Variants in FOXJ3 observed in about 807,000 individuals in gnomAD.
FOXJ3 encodes forkhead box J3.
FOXJ3 carries 22 observed loss-of-function variants against 76.1 expected under a neutral mutation model. The observed-to-expected ratio is 0.29, with a 90% confidence interval of 0.21 to 0.41. FOXJ3 has a LOEUF of 0.41. Among genes scored for constraint, FOXJ3 ranks in the 10% least tolerant of loss-of-function variants. FOXJ3 has a pLI of 1.00. For missense variants in FOXJ3, 613 were observed against 762.1 expected (o/e 0.80, Z 2.30); for synonymous variants, 269 against 261.2 (o/e 1.03, Z -0.29).
At chr1:42,271,299 C>A (rs937311745) in intron 3 of FOXJ3, among the ~76,000 whole-genome samples, 5 of 151,450 alleles carry the variant, frequency 3.3e-5, no homozygotes, top group African/African-American at 1.2e-4. Context: ...CTTTTTTCAT[C>A]CCTTTTCATT....
intron 6 of FOXJ3, among the ~76,000 whole-genome samples, chr1:42,204,843 A>C (rs927584874): frequency 6.6e-5 from 10 of 152,028 alleles, no homozygotes; most frequent in African/African-American, 9.7e-5. Flanking sequence ...TGAATATGTC[A>C]CTCTGATTAT....
At chr1:42,272,030 A>G (rs1651902598) in intron 3 of FOXJ3, among the ~76,000 whole-genome samples, 1 of 152,250 alleles carries the variant, frequency 6.6e-6, no homozygotes, top group East Asian at 1.9e-4. Context: ...GGTATTTTTA[A>G]TATGTAATCT....
In FOXJ3 at chr1:42,221,971, AAGGGGG is replaced by A. The variant is rs1231009588; in HGVS notation, c.528+5906_528+5911del. On this transcript the variant is annotated intron_variant, in intron 5 of 12. Transcript: ENST00000361346. ...CTATTAAAAAAAAAAAAAAAAGAAG[AAGGGGG>A]AGGGGGAGGGGGAGGGGGAGGGGGA... Among the ~76,000 whole-genome samples, 4 of 23,042 alleles carry A rather than the reference AAGGGGG, an allele frequency of 1.7e-4. 1 individual carries two copies. The highest frequency in any genetic ancestry group is 1.8e-4 in the Non-Finnish European group (2 of 10,860). The allele number at this position is 23,042 out of a possible 152,430, so 15.1% of individuals were successfully genotyped here.
At chr1:42,231,143 G>A (rs1005702253) in intron 4 of FOXJ3, among the ~76,000 whole-genome samples, 18 of 131,646 alleles carry the variant, frequency 1.4e-4, no homozygotes, top group Admixed American at 5.1e-4. Context: ...TGAAACCCCC[G>A]TCTCTACTTA....
At position 42,247,321 on chromosome 1, in the gene FOXJ3, A is replaced by T. The variant is rs532664289; in HGVS notation, c.444+17794T>A. On this transcript the variant is annotated intron_variant, in intron 4 of 12. Coordinates refer to ENST00000361346, the MANE Select transcript of FOXJ3 (RefSeq NM_014947.5). Reference sequence around the variant, plus strand: ...GTATCAATTAAAAAGTTTTAAAAAAATTTTTAAGAAGGTAAAAAAATACAA... The same window carrying T: ...GTATCAATTAAAAAGTTTTAAAAAATTTTTTAAGAAGGTAAAAAAATACAA... 1.3e-4 allele frequency among the ~76,000 whole-genome samples: 20 copies of T among 152,324 alleles called. No homozygotes were observed. The South Asian group carries it at 2.3e-3, about 17-fold the overall frequency.
intron 5 of FOXJ3, among the ~76,000 whole-genome samples, chr1:42,216,501 G>C (rs1280006565): frequency 6.6e-6 from 1 of 150,656 alleles, no homozygotes; most frequent in Non-Finnish European, 1.5e-5. Context: ...CTGGGCGACA[G>C]AGCGAGACTC....
chr1:42,295,574 G>C (rs1049841580), intron 2 of FOXJ3, among the ~76,000 whole-genome samples: 1 of 142,192 alleles, frequency 7.0e-6, no homozygotes, highest in African/African-American at 2.7e-5. Flanking sequence ...TGTCCCCCAG[G>C]CTGGAATGCA....
At chr1:42,322,993 T>C (rs2124778666) in intron 1 of FOXJ3, among the ~76,000 whole-genome samples, 1 of 152,240 alleles carries the variant, frequency 6.6e-6, no homozygotes, top group East Asian at 1.9e-4. Context: ...ACATGTTCTG[T>C]TCTGAACACC....
At chr1:42,266,336 A>C (rs529487076) in intron 3 of FOXJ3, among the ~76,000 whole-genome samples, 5 of 152,256 alleles carry the variant, frequency 3.3e-5, no homozygotes, top group Non-Finnish European at 5.9e-5. Flanking sequence ...CTCTCTCCCA[A>C]AGAGAAAACC....
At chr1:42,222,748 C>T (rs1425878499) in intron 5 of FOXJ3, among the ~76,000 whole-genome samples, 1 of 152,190 alleles carries the variant, frequency 6.6e-6, no homozygotes, top group African/African-American at 2.4e-5. Context: ...AATTCCCTCC[C>T]CTCAATCAGA....
chr1:42,218,469 G>A (rs1349734007), intron 5 of FOXJ3, among the ~76,000 whole-genome samples: 1 of 152,174 alleles, frequency 6.6e-6, no homozygotes, highest in Admixed American at 6.5e-5. Context: ...GATAATTGTA[G>A]ATAATGTGTT....
chr1:42,278,064 T>C (rs1652424632), intron 3 of FOXJ3, among the ~76,000 whole-genome samples: 1 of 152,118 alleles, frequency 6.6e-6, no homozygotes, highest in African/African-American at 2.4e-5. Context: ...TTAGGCTCAC[T>C]GTCAACTCAC....
rs1646272703 is a variant in FOXJ3 at position 42,179,357 on chromosome 1, A to C, written c.*353T>G. On this transcript the variant is annotated 3_prime_UTR_variant, in exon 13 of 13. Transcript: ENST00000361346. ...GTAATTTTTGTACATATATTTACACATATGTATCTTTATATAAACTGCTTG... is the reference window on the plus strand; with the variant it reads ...GTAATTTTTGTACATATATTTACACCTATGTATCTTTATATAAACTGCTTG... 1 of 160,322 alleles carries C rather than the reference A, an allele frequency of 6.2e-6. No homozygotes were observed. Among genetic ancestry groups the C allele is most frequent in the South Asian group, 1.9e-4 (1 of 5,184 alleles). 9.9% of individuals were successfully genotyped at this position (160,322 alleles called of 1,614,324 possible). A position where few individuals can be genotyped will look rare whatever the true frequency, so the allele number is the denominator to read the frequency against.
intron 2 of FOXJ3, among the ~76,000 whole-genome samples, chr1:42,309,018 A>AAAAAAAAAC (rs1654640650): frequency 6.6e-6 from 1 of 151,520 alleles, no homozygotes; most frequent in Non-Finnish European, 1.5e-5. Flanking sequence ...AAAAAAAAAA[A>AAAAAAAAAC]TGCTTTTCTA....
chr1:42,262,686 T>TA (rs1651139889), intron 4 of FOXJ3, among the ~76,000 whole-genome samples: 1 of 152,028 alleles, frequency 6.6e-6, no homozygotes. Flanking sequence ...CCATCTCTAC[T>TA]AAAAATACAA....
At chr1:42,310,164 T>C (rs1654718168) in intron 2 of FOXJ3, among the ~76,000 whole-genome samples, 1 of 151,958 alleles carries the variant, frequency 6.6e-6, no homozygotes, top group African/African-American at 2.4e-5. Context: ...TTTTTTTTTT[T>C]TGAGATGGAG....
chr1:42,181,645 T>A (rs560051514), intron 12 of FOXJ3, among the ~76,000 whole-genome samples: 1 of 152,210 alleles, frequency 6.6e-6, no homozygotes, highest in Non-Finnish European at 1.5e-5. Context: ...CTAGCACAAG[T>A]GCCAAGTGGC....
intron 4 of FOXJ3, among the ~76,000 whole-genome samples, chr1:42,232,206 AT>A: frequency 6.6e-6 from 1 of 151,038 alleles, no homozygotes; most frequent in African/African-American, 2.4e-5. Flanking sequence ...ATTGTTGGAC[AT>A]TTGGGTTGGT....
chr1:42,313,710 G>A (rs541478052), intron 1 of FOXJ3, among the ~76,000 whole-genome samples: 21 of 152,238 alleles, frequency 1.4e-4, no homozygotes, highest in African/African-American at 4.3e-4. Flanking sequence ...TGCCTGTCAC[G>A]GAACACACTT....
Sources: allele counts gnomAD v4.1 joint callset (sites outside exome capture counted in the v4.1 genomes callset), GRCh38; gene constraint gnomAD v4.1.1; transcripts MANE v1.5; gene names NCBI Gene and HGNC (gene_info 2026-07-23, HGNC 2026-07-21).